Variants in GPHN observed in about 807,000 individuals in gnomAD.
GPHN encodes gephyrin.
Under a neutral mutation model 95.5 loss-of-function variants are expected in GPHN, and 17 were observed. The ratio of observed to expected loss-of-function variants is 0.18; its 90% CI spans 0.12 to 0.27. GPHN has a LOEUF of 0.27. GPHN is among the 10% of genes least tolerant of loss of function. GPHN has a pLI of 1.00. For synonymous variants in GPHN, 320 were observed against 322.5 expected (o/e 0.99, Z 0.08); for missense variants, 660 against 978.1 (o/e 0.67, Z 4.34).
intron 2 of GPHN, among the ~76,000 whole-genome samples, chr14:66,724,547 A>G (rs1222816947): frequency 2.0e-5 from 3 of 152,164 alleles, no homozygotes; most frequent in African/African-American, 4.8e-5. Flanking sequence ...AATGTCTAAC[A>G]GGGGTAGATA....
the GPHN span, among the ~76,000 whole-genome samples, chr14:67,602,313 TG>T: frequency 1.3e-5 from 2 of 152,158 alleles, no homozygotes; most frequent in African/African-American, 4.8e-5. Context: ...GAGACCAGCA[TG>T]GGGGAAATCC....
intron 16 of GPHN, among the ~76,000 whole-genome samples, chr14:67,119,219 A>G (rs540334529): frequency 6.6e-6 from 1 of 152,204 alleles, no homozygotes; most frequent in Non-Finnish European, 1.5e-5. Context: ...TTCAAGTTAC[A>G]TGTCCTGGTT....
At chr14:67,056,942 C>T (rs921503928) in intron 10 of GPHN, among the ~76,000 whole-genome samples, 11 of 152,226 alleles carry the variant, frequency 7.2e-5, no homozygotes, top group South Asian at 6.2e-4. Context: ...GCACACCCTC[C>T]GCAGCTGCTG....
At chr14:67,572,258 A>G in the GPHN span, 1 of 1,601,516 alleles carries the variant, frequency 6.2e-7, no homozygotes, top group African/African-American at 1.3e-5. Flanking sequence ...TACTCCACCG[A>G]CGGGCTGGGC....
At chr14:66,794,324 G>A (rs1373959258) in intron 3 of GPHN, among the ~76,000 whole-genome samples, 2 of 152,072 alleles carry the variant, frequency 1.3e-5, no homozygotes, top group Admixed American at 1.3e-4. Context: ...TGCTGCTCTG[G>A]CCATGTAAGA....
chr14:66,702,009 C>A (rs2068601564), intron 2 of GPHN, among the ~76,000 whole-genome samples: 1 of 152,214 alleles, frequency 6.6e-6, no homozygotes, highest in Non-Finnish European at 1.5e-5. Flanking sequence ...CACAGCCCAA[C>A]ACACCAGCTG....
the GPHN span, among the ~76,000 whole-genome samples, chr14:67,567,651 A>G: frequency 6.6e-6 from 1 of 151,602 alleles, no homozygotes; most frequent in Non-Finnish European, 1.5e-5. Flanking sequence ...TCATGGCAGC[A>G]CTCATCAGCT....
intron 1 of GPHN, among the ~76,000 whole-genome samples, chr14:66,511,870 A>G (rs981647955): frequency 3.3e-5 from 5 of 152,044 alleles, no homozygotes; most frequent in African/African-American, 4.8e-5. Context: ...ATGAGAACAT[A>G]TATGTATATA....
chr14:67,579,003 G>T, the GPHN span: 1 of 670,716 alleles, frequency 1.5e-6, no homozygotes, highest in East Asian at 2.7e-5. Context: ...CCAGACCAGA[G>T]TCTTCAGGGC....
the GPHN span, among the ~76,000 whole-genome samples, chr14:67,387,644 C>T: frequency 6.6e-6 from 1 of 152,200 alleles, no homozygotes; most frequent in Non-Finnish European, 1.5e-5. Context: ...TGTCCCTCAC[C>T]AGTGCCCTAA....
chr14:67,562,088 G>A, the GPHN span: 4 of 1,602,184 alleles, frequency 2.5e-6, no homozygotes, highest in Non-Finnish European at 3.4e-6. Context: ...GTGGGTATGG[G>A]GCTGAGCTAC....
the GPHN span, among the ~76,000 whole-genome samples, chr14:67,355,766 T>G: frequency 6.6e-6 from 1 of 151,012 alleles, no homozygotes; most frequent in Admixed American, 6.6e-5. Context: ...TTTGGGAGGC[T>G]AAGGTGGGTA....
intron 3 of GPHN, among the ~76,000 whole-genome samples, chr14:66,785,012 G>A (rs1468511196): frequency 2.6e-5 from 4 of 152,194 alleles, no homozygotes; most frequent in Admixed American, 2.6e-4. Flanking sequence ...TAAGTAGGTA[G>A]TAAGCAATAG....
the GPHN span, chr14:67,582,032 C>T: frequency 6.3e-7 from 1 of 1,584,934 alleles, no homozygotes; most frequent in Non-Finnish European, 8.6e-7. The surrounding 1 kb of genome is among the most constrained non-coding windows in gnomAD (Gnocchi z 5.0). Flanking sequence ...GTTTGGAATC[C>T]CTGCTGAGTC....
chr14:66,742,862 C>T (rs1318692810), intron 2 of GPHN, among the ~76,000 whole-genome samples: 1 of 152,126 alleles, frequency 6.6e-6, no homozygotes, highest in African/African-American at 2.4e-5. Context: ...TCTGGGTTCA[C>T]GCCATTCTCC....
At chr14:67,008,936 A>C (rs973421902) in intron 9 of GPHN, among the ~76,000 whole-genome samples, 3 of 152,222 alleles carry the variant, frequency 2.0e-5, no homozygotes, top group Admixed American at 6.5e-5. Flanking sequence ...GTGCTTTTAC[A>C]GTCTGCTTTA....
intron 9 of GPHN, among the ~76,000 whole-genome samples, chr14:67,022,493 G>GA (rs2073680184): frequency 1.5e-5 from 2 of 136,942 alleles, no homozygotes; most frequent in Admixed American, 1.5e-4. Flanking sequence ...AAAACTAGTT[G>GA]AACAATCTGG....
the GPHN span, chr14:67,340,032 C>CA: frequency 0.072 from 5,142 of 71,722 alleles, 165 homozygotes; most frequent in Non-Finnish European, 0.092. Context: ...CTCTGTCTCA[C>CA]AAAAAAAAAA....
the GPHN span, among the ~76,000 whole-genome samples, chr14:67,276,426 C>G: frequency 3.3e-5 from 5 of 152,136 alleles, no homozygotes; most frequent in Admixed American, 2.6e-4. Flanking sequence ...CTTTGAAATC[C>G]ATTTCAAAGA....
Sources: gnomAD v4.1 joint callset for allele counts (sites outside exome capture counted in the v4.1 genomes callset) on GRCh38, gnomAD v4.1.1 for gene constraint, Gnocchi (gnomAD v3.1) non-coding constraint, MANE v1.5 for transcripts, NCBI Gene and HGNC (gene_info 2026-07-23, HGNC 2026-07-21) for gene names.